Variants in EYS observed in about 807,000 individuals in gnomAD.
EYS encodes the protein EGF-like photoreceptor maintenance factor.
Under a neutral mutation model 282.1 loss-of-function variants are expected in EYS, and 250 were observed. The ratio of observed to expected loss-of-function variants is 0.89; its 90% confidence interval spans 0.80 to 0.98. The LOEUF (loss-of-function observed/expected upper bound fraction) is 0.98, where lower values mean the gene tolerates loss of function less well. Among genes scored for constraint, EYS ranks in the 50% least tolerant of loss-of-function variants. EYS has a pLI of 0.00. For missense variants in EYS, 4,016 were observed against 3,709.0 expected (o/e 1.08, Z -2.15); for synonymous variants, 1,355 against 1,282.9 (o/e 1.06, Z -1.20).
At chr6:64,503,441 G>A (rs1310967658) in intron 26 of EYS, among the ~76,000 whole-genome samples, 1 of 152,096 alleles carries the variant, frequency 6.6e-6, no homozygotes, top group African/African-American at 2.4e-5. Context: ...GAAAAATCTT[G>A]TTTTTAAGCT....
chr6:65,163,909 G>A (rs1307025963), intron 12 of EYS, among the ~76,000 whole-genome samples: 1 of 151,166 alleles, frequency 6.6e-6, no homozygotes, highest in African/African-American at 2.4e-5. Context: ...TGGCTCCAAA[G>A]CTTAAGGTAT....
Position 65,354,507 on chromosome 6 carries a change from C to T in EYS, c.1300-890G>A, listed in dbSNP as rs141695967. ...ACAACAACCTTAAAGTATGAGTCAA[C>T]ACTAAATGTGAGGAAAAAAAAAAAT... On this transcript the variant is annotated intron_variant, in intron 8 of 42. Transcript: ENST00000503581. Among the ~76,000 whole-genome samples the T allele has an allele frequency of 1.8e-4, 27 of 151,226 alleles. No homozygotes were observed. The East Asian group carries it at 5.1e-3, about 28-fold the overall frequency.
rs552257758 is a variant in EYS, at chr6:63,991,552, T to C, written c.6835-6949A>G. On this transcript the variant is annotated intron_variant, in intron 34 of 42. Coordinates refer to ENST00000503581, the MANE Select transcript of EYS (RefSeq NM_001142800.2). ...AAAATTTTGGAGCTGAAAACTGTAATGCCTGAATTTAAAAATTCATTACAG... is the reference window on the plus strand; with the variant it reads ...AAAATTTTGGAGCTGAAAACTGTAACGCCTGAATTTAAAAATTCATTACAG... 3.4e-4 allele frequency among the ~76,000 whole-genome samples: 52 copies of C among 151,696 alleles called. No individual in the cohort carries two copies. The East Asian group carries it at 4.7e-3, about 14-fold the overall frequency.
rs200761196 is a variant in EYS, at chr6:64,320,091, G to GT, written c.6079-13010dup. Among the ~76,000 whole-genome samples the GT allele has an allele frequency of 7.1e-3, 1,085 of 151,948 alleles. 9 individuals are homozygous for GT. Among genetic ancestry groups the GT allele is most frequent in the African/African-American group, 0.025 (1,028 of 41,478 alleles). On this transcript the variant is annotated intron_variant, in intron 29 of 42. Coordinates refer to ENST00000503581, the MANE Select transcript of EYS (RefSeq NM_001142800.2). ...TGGATTTGGAATTCTGTGTTGAAGG[G>GT]TTTTTTTGTTTTTTAAAGTCAGCAC...
intron 2 of EYS, among the ~76,000 whole-genome samples, chr6:65,538,553 CAT>C (rs1426363854): frequency 2.0e-5 from 3 of 152,054 alleles, no homozygotes; most frequent in African/African-American, 7.2e-5. Flanking sequence ...ACAAATAAAA[CAT>C]ATATTGAGTA....
chr6:64,420,598 G>A (rs917132830), intron 28 of EYS, among the ~76,000 whole-genome samples: 1 of 152,126 alleles, frequency 6.6e-6, no homozygotes, highest in Non-Finnish European at 1.5e-5. Context: ...GTGACTTTGG[G>A]CATCAAAGGC....
At position 63,721,705 on chromosome 6, in the gene EYS, CT is replaced by C; in HGVS notation, c.8325del (p.Val2776Ter). On this transcript the variant is annotated frameshift_variant, in exon 43 of 43. Transcript: ENST00000503581. LOFTEE classifies it low-confidence loss of function (END_TRUNC). The stretch of plus-strand genomic sequence containing the variant: ...TGCCAAGTACTTCCGTTTATAGTTA[CT>C]TTTTGGAGAGTTTCTAGAATGATAG... ...DRTIILETLQ[K>X]VTINGSTWHI... 1.9e-6 allele frequency: 3 copies of C among 1,551,382 alleles called. No individual in the cohort carries two copies. The highest frequency in any genetic ancestry group is 2.6e-6 in the Non-Finnish European group (3 of 1,146,722).
At chr6:65,466,402 A>G (rs1765001020) in intron 5 of EYS, among the ~76,000 whole-genome samples, 1 of 152,164 alleles carries the variant, frequency 6.6e-6, no homozygotes, top group South Asian at 2.1e-4. Context: ...TATAATATGT[A>G]CCATTTATTA....
chr6:65,279,142 T>A (rs566644763), intron 12 of EYS, among the ~76,000 whole-genome samples: 38 of 151,922 alleles, frequency 2.5e-4, no homozygotes, highest in African/African-American at 8.4e-4. Context: ...TGAGCCAAGA[T>A]CACGCCACTG....
intron 22 of EYS, among the ~76,000 whole-genome samples, chr6:64,806,927 A>T (rs1403096232): frequency 1.3e-5 from 2 of 152,140 alleles, no homozygotes; most frequent in Non-Finnish European, 2.9e-5. Flanking sequence ...TCTACAGATT[A>T]AAAAAGTTAT....
chr6:64,796,115 C>G (rs1774347947), intron 22 of EYS, among the ~76,000 whole-genome samples: 1 of 152,166 alleles, frequency 6.6e-6, no homozygotes, highest in Admixed American at 6.5e-5. Context: ...GTTATTGAGG[C>G]AGTACTGAAA....
chr6:64,219,947 C>G (rs180840667), intron 31 of EYS, among the ~76,000 whole-genome samples: 2 of 151,972 alleles, frequency 1.3e-5, no homozygotes, highest in Non-Finnish European at 2.9e-5. Context: ...AAACAAATAG[C>G]GCATGTTCTC....
chr6:64,335,517 G>C (rs891022835), intron 29 of EYS, among the ~76,000 whole-genome samples: 1 of 152,070 alleles, frequency 6.6e-6, no homozygotes, highest in African/African-American at 2.4e-5. Context: ...CCTGTCTCAC[G>C]TAGTTCCCAC....
At chr6:64,966,462 C>T (rs545036615) in intron 14 of EYS, among the ~76,000 whole-genome samples, 1 of 152,188 alleles carries the variant, frequency 6.6e-6, no homozygotes, top group East Asian at 1.9e-4. Context: ...TAACTGTTGA[C>T]AAGAGATGTA....
rs539764551 is a variant in EYS at position 64,378,100 on chromosome 6, A to G, written c.6078+10590T>C. Among the ~76,000 whole-genome samples, 10 of 152,282 alleles carry G rather than the reference A, an allele frequency of 6.6e-5. No homozygotes were observed. In the East Asian group the frequency reaches 1.5e-3, roughly 24 times the overall value. On this transcript the variant is annotated intron_variant, in intron 29 of 42. Transcript: ENST00000503581. ...ATGAATGTCCTTTAATGTTGTATACATGATGTGTTTCCTCCCTTTAATAAT... is the reference window on the plus strand; with the variant it reads ...ATGAATGTCCTTTAATGTTGTATACGTGATGTGTTTCCTCCCTTTAATAAT...
intron 36 of EYS, chr6:63,822,617 G>A (rs982686444): frequency 2.0e-5 from 3 of 152,208 alleles, no homozygotes; most frequent in Admixed American, 6.5e-5. Context: ...TTTACATACA[G>A]CTGTGCTATT....
At chr6:65,629,894 C>G (rs1020172277) in intron 2 of EYS, among the ~76,000 whole-genome samples, 1 of 152,046 alleles carries the variant, frequency 6.6e-6, no homozygotes, top group Non-Finnish European at 1.5e-5. Flanking sequence ...GTAAAACAAG[C>G]CTATAAAAAA....
chr6:64,221,987 T>C (rs1292359515), intron 31 of EYS, among the ~76,000 whole-genome samples: 1 of 152,042 alleles, frequency 6.6e-6, no homozygotes, highest in Non-Finnish European at 1.5e-5. Flanking sequence ...AAAGTTTCCA[T>C]TTCCTACTTT....
chr6:64,314,527 T>G (rs1272392774), intron 29 of EYS, among the ~76,000 whole-genome samples: 3 of 151,974 alleles, frequency 2.0e-5, no homozygotes, highest in Non-Finnish European at 2.9e-5. Flanking sequence ...GACCATATAA[T>G]TGGAAGTAAA....
Sources: allele counts gnomAD v4.1 joint callset (sites outside exome capture counted in the v4.1 genomes callset), GRCh38; gene constraint gnomAD v4.1.1; transcripts MANE v1.5; gene names NCBI Gene and HGNC (gene_info 2026-07-23, HGNC 2026-07-21).